ENTPD1: variants seen among roughly 807,000 people sequenced by gnomAD.
The protein encoded by ENTPD1 is ectonucleoside triphosphate diphosphohydrolase 1, also known as ATP diphosphohydrolase.
ENTPD1 carries 33 observed loss-of-function variants against 57.0 expected under a neutral mutation model. The ratio of observed to expected loss-of-function variants is 0.58; its 90% CI spans 0.44 to 0.77. ENTPD1 has a LOEUF of 0.77. Among genes scored for constraint, ENTPD1 ranks in the 30% least tolerant of loss-of-function variants. The pLI is 0.00. For synonymous variants in ENTPD1, 202 were observed against 218.8 expected (o/e 0.92, Z 0.68); for missense variants, 501 against 603.4 (o/e 0.83, Z 1.78).
At chr10:95,824,228 T>C (rs2098365168) in intron 2 of ENTPD1, among the ~76,000 whole-genome samples, 2 of 152,264 alleles carry the variant, frequency 1.3e-5, no homozygotes, top group Non-Finnish European at 2.9e-5. Context: ...AATATGCTAA[T>C]ATGCATGTAT....
chr10:95,839,381 G>T (rs564938923), intron 2 of ENTPD1: 1 of 387,036 alleles, frequency 2.6e-6, no homozygotes, highest in Admixed American at 3.8e-5. Context: ...AGCTACTTCA[G>T]CATGTGGTTC....
chr10:95,749,673 A>G (rs2098009754), intron 1 of ENTPD1, among the ~76,000 whole-genome samples: 1 of 152,202 alleles, frequency 6.6e-6, no homozygotes. Flanking sequence ...CATTCCAGGC[A>G]GAAAGAACAG....
chr10:95,828,408 G>T (rs939030182), intron 2 of ENTPD1, among the ~76,000 whole-genome samples: 1 of 152,110 alleles, frequency 6.6e-6, no homozygotes, highest in Non-Finnish European at 1.5e-5. Context: ...ATTTCATTAT[G>T]TATTACAATG....
At position 95,867,863 on chromosome 10, in the gene ENTPD1, T is replaced by C; in HGVS notation, c.*1480T>C. On this transcript the variant is annotated 3_prime_UTR_variant, in exon 10 of 10. Coordinates refer to ENST00000371205, the MANE Select transcript of ENTPD1 (RefSeq NM_001776.6). ...TATCTCTTGAATGATCAAGTCACTT[T>C]TGACAACATCCAGGTGAATATAAAA... is the stretch of plus-strand genomic sequence containing the variant. 1 of 985,466 alleles carries C rather than the reference T, an allele frequency of 1.0e-6. No individual in the cohort carries two copies. The highest frequency in any genetic ancestry group is 1.2e-6 in the Non-Finnish European group (1 of 829,934). The allele number at this position is 985,466 out of a possible 1,614,324, so 61.0% of individuals were successfully genotyped here. A position where few individuals can be genotyped will look rare whatever the true frequency, so the allele number is the denominator to read the frequency against.
chr10:95,784,768 G>A (rs1343355684), intron 1 of ENTPD1, among the ~76,000 whole-genome samples: 1 of 152,138 alleles, frequency 6.6e-6, no homozygotes, highest in African/African-American at 2.4e-5. Flanking sequence ...AAAGCTGGAG[G>A]CTGGGGTAGT....
At position 95,794,573 on chromosome 10, in the gene ENTPD1, A is replaced by T. The variant is rs1329899918; in HGVS notation, c.17-28664A>T. On this transcript the variant is annotated intron_variant, in intron 1 of 9. Transcript: ENST00000371205. The stretch of plus-strand genomic sequence containing the variant: ...AGTTGGCATTTTTACAAAGGTCTCC[A>T]GTGAACCTAATGTATATATCCGGAA... Among the ~76,000 whole-genome samples the T allele has an allele frequency of 5.3e-5, 8 of 152,222 alleles. No homozygotes were observed. In the East Asian group the frequency reaches 1.5e-3, roughly 29 times the overall value.
intron 1 of ENTPD1, among the ~76,000 whole-genome samples, chr10:95,736,192 G>T (rs556709859): frequency 1.6e-4 from 24 of 151,542 alleles, no homozygotes; most frequent in Non-Finnish European, 2.8e-4. Flanking sequence ...GTAGAGATGG[G>T]GTTTCCCCAT....
chr10:95,857,687 C>A (rs992799055), intron 7 of ENTPD1, among the ~76,000 whole-genome samples: 1 of 152,166 alleles, frequency 6.6e-6, no homozygotes, highest in Non-Finnish European at 1.5e-5. Flanking sequence ...AGAGAGAGAG[C>A]AGTTTTCTGC....
chr10:95,714,775 T>C (rs2097969675), intron 1 of ENTPD1, among the ~76,000 whole-genome samples: 1 of 150,502 alleles, frequency 6.6e-6, no homozygotes, highest in Non-Finnish European at 1.5e-5. Flanking sequence ...TTTCAAAAAT[T>C]TTTTTTTTTT....
In ENTPD1 at chr10:95,756,231, C is replaced by G; in HGVS notation, c.-9C>G. ...CGAGGAAAGAGGAGGAAAACAAAAG[C>G]TGCTACTTATGGAAGATACAAAGGG... On this transcript the variant is annotated 5_prime_UTR_variant, in exon 1 of 10. Coordinates refer to ENST00000371205, the MANE Select transcript of ENTPD1 (RefSeq NM_001776.6). The G allele has an allele frequency of 1.9e-6, 3 of 1,594,882 alleles. No individual in the cohort carries two copies. Among genetic ancestry groups the G allele is most frequent in the Non-Finnish European group, 2.6e-6 (3 of 1,169,970 alleles).
At chr10:95,799,710 T>C (rs1305210882) in intron 1 of ENTPD1, among the ~76,000 whole-genome samples, 1 of 152,190 alleles carries the variant, frequency 6.6e-6, no homozygotes, top group Non-Finnish European at 1.5e-5. Context: ...GAGGAATCAC[T>C]GCACTGTCTT....
intron 4 of ENTPD1, among the ~76,000 whole-genome samples, chr10:95,842,994 T>C (rs2098425698): frequency 6.6e-6 from 1 of 152,228 alleles, no homozygotes; most frequent in South Asian, 2.1e-4. Context: ...GAAATCAGTT[T>C]CAATGCAGGG....
intron 7 of ENTPD1, 133 bp from the exon 8 acceptor site, chr10:95,860,336 G>GCAATAT: frequency 1.4e-6 from 1 of 705,744 alleles, no homozygotes; most frequent in Non-Finnish European, 2.5e-6. Context: ...TCTTGGGCCT[G>GCAATAT]CAATATCACT....
upstream of ENTPD1, chr10:95,756,068 G>A: frequency 6.7e-7 from 1 of 1,501,478 alleles, no homozygotes; most frequent in Non-Finnish European, 8.9e-7. Flanking sequence ...AAAAAGACAG[G>A]GTTTGAGGTT....
intron 1 of ENTPD1, among the ~76,000 whole-genome samples, chr10:95,782,742 CCCCCAA>C (rs1174497536): frequency 2.9e-4 from 44 of 152,248 alleles, no homozygotes. Context: ...TCCTGTTGTT[CCCCCAA>C]CCCCAACAGT....
At chr10:95,839,864 G>A in intron 3 of ENTPD1, 56 bp downstream of exon 3, 1 of 1,553,876 alleles carries the variant, frequency 6.4e-7, no homozygotes, top group African/African-American at 1.4e-5. Context: ...GAACATGAGA[G>A]GTGTATGACC....
In ENTPD1 at chr10:95,844,554, G is replaced by C; in HGVS notation, c.492G>C (p.Gln164His). ...TCAGCAACTACCCCTTTGACTTCCA[G>C]GGTGCCAGGATCATTACTGGCCAAG... Reference protein sequence around the residue: ...RSLSNYPFDFQGARIITGQEE... With the variant: ...RSLSNYPFDFHGARIITGQEE... Residue 164 changes from glutamine (Q) to histidine (H), a missense_variant, in exon 5 of 10, where the codon CAG (glutamine) becomes CAC (histidine). Physicochemically the swap from Gln to His is conservative, Grantham distance 24 (BLOSUM62 0). Transcript: ENST00000371205. The C allele has an allele frequency of 1.2e-6, 2 of 1,614,206 alleles. No individual in the cohort carries two copies. Among genetic ancestry groups the C allele is most frequent in the Non-Finnish European group, 8.5e-7 (1 of 1,180,036 alleles).
At chr10:95,710,351 G>A (rs578120715), upstream of ENTPD1, among the ~76,000 whole-genome samples, 46 of 152,246 alleles carry the variant, frequency 3.0e-4, no homozygotes, top group African/African-American at 1.1e-3. Context: ...GTTGCAGTGA[G>A]CAGAGATTAC....
the ENTPD1 span, among the ~76,000 whole-genome samples, chr10:95,694,808 AC>A: frequency 2.0e-5 from 3 of 151,564 alleles, no homozygotes; most frequent in Non-Finnish European, 4.4e-5. Context: ...TTGGAAATGT[AC>A]CGTAGCTGCA....
Sources: gnomAD v4.1 joint callset for allele counts (sites outside exome capture counted in the v4.1 genomes callset) on GRCh38, gnomAD v4.1.1 for gene constraint, MANE v1.5 for transcripts, NCBI Gene and HGNC (gene_info 2026-07-23, HGNC 2026-07-21) for gene names.